The following DPP10 variants were observed in gnomAD, a reference collection of about 807,000 sequenced individuals.
The protein encoded by DPP10 is inactive dipeptidyl peptidase 10.
Under a neutral mutation model 120.9 loss-of-function variants are expected in DPP10, and 33 were observed. The observed-to-expected ratio is 0.27, with a 90% CI of 0.21 to 0.37. DPP10 has a LOEUF of 0.37. Among genes scored for constraint, DPP10 ranks in the 10% least tolerant of loss-of-function variants. The pLI is 1.00. For missense variants in DPP10, 816 were observed against 942.8 expected (o/e 0.87, Z 1.76); for synonymous variants, 337 against 326.1 (o/e 1.03, Z -0.36).
intron 7 of DPP10, among the ~76,000 whole-genome samples, chr2:115,707,914 T>C (rs939703421): frequency 6.6e-6 from 1 of 151,880 alleles, no homozygotes; most frequent in African/African-American, 2.4e-5. Flanking sequence ...ATTACAGAAT[T>C]GATTACTTTT....
At chr2:115,649,049 C>G (rs1331807983) in intron 5 of DPP10, among the ~76,000 whole-genome samples, 1 of 151,964 alleles carries the variant, frequency 6.6e-6, no homozygotes, top group Non-Finnish European at 1.5e-5. Context: ...ATGTGTCTTT[C>G]CAGCATTTCT....
At chr2:115,415,842 T>TATAA (rs2069352567) in intron 3 of DPP10, among the ~76,000 whole-genome samples, 1 of 4,196 alleles carries the variant, frequency 2.4e-4, no homozygotes, top group Non-Finnish European at 1.1e-3. Context: ...GATTTGCTTT[T>TATAA]ATATATATAT....
intron 4 of DPP10, among the ~76,000 whole-genome samples, chr2:115,521,175 C>G (rs2077783506): frequency 6.6e-6 from 1 of 152,122 alleles, no homozygotes; most frequent in Non-Finnish European, 1.5e-5. Context: ...AAAAAGAAAA[C>G]ATGCACATTT....
intron 1 of DPP10, among the ~76,000 whole-genome samples, chr2:115,192,882 A>T (rs996962823): frequency 1.3e-5 from 2 of 151,508 alleles, no homozygotes; most frequent in Middle Eastern, 3.4e-3. Context: ...AATAAATTTT[A>T]ATTTATTTTA....
chr2:115,576,088 G>A (rs2081637136), intron 5 of DPP10, among the ~76,000 whole-genome samples: 1 of 152,130 alleles, frequency 6.6e-6, no homozygotes, highest in Non-Finnish European at 1.5e-5. Flanking sequence ...TGTGACCTAT[G>A]AAACTGTAAG....
At chr2:115,632,909 G>A (rs893041339) in intron 5 of DPP10, among the ~76,000 whole-genome samples, 243 of 152,080 alleles carry the variant, frequency 1.6e-3, no homozygotes, top group Admixed American at 2.8e-3. Context: ...TAGAATGGCA[G>A]TCATTAAAAA....
intron 3 of DPP10, among the ~76,000 whole-genome samples, chr2:115,430,220 G>A (rs2070845260): frequency 6.6e-6 from 1 of 152,206 alleles, no homozygotes; most frequent in East Asian, 1.9e-4. Flanking sequence ...TTAATATTTA[G>A]CTTTAACTGA....
At chr2:114,454,869 C>A (rs1380385345) in intron 1 of DPP10, among the ~76,000 whole-genome samples, 1 of 152,156 alleles carries the variant, frequency 6.6e-6, no homozygotes, top group Non-Finnish European at 1.5e-5. Flanking sequence ...CGCTAGACTG[C>A]AAGCTCCTGG....
chr2:114,448,637 A>G (rs1476107898), intron 1 of DPP10, among the ~76,000 whole-genome samples: 1 of 152,182 alleles, frequency 6.6e-6, no homozygotes, highest in Non-Finnish European at 1.5e-5. Context: ...GATGTTTTGG[A>G]ACCACTGAGC....
chr2:114,530,714 G>C (rs1685900715), intron 1 of DPP10, among the ~76,000 whole-genome samples: 1 of 152,052 alleles, frequency 6.6e-6, no homozygotes, highest in Non-Finnish European at 1.5e-5. Flanking sequence ...AAGCATCTAT[G>C]GAAGTACTGT....
intron 7 of DPP10, among the ~76,000 whole-genome samples, chr2:115,698,557 G>T (rs1475340910): frequency 6.6e-6 from 1 of 152,058 alleles, no homozygotes. Flanking sequence ...AAAAACAGAG[G>T]AAGATCTCTC....
At chr2:115,323,993 T>C (rs559987883) in intron 2 of DPP10, among the ~76,000 whole-genome samples, 1 of 152,282 alleles carries the variant, frequency 6.6e-6, no homozygotes, top group South Asian at 2.1e-4. Context: ...TAGCCCCTAA[T>C]AGGAGAGTCA....
At chr2:114,732,894 G>A (rs1255448905) in intron 1 of DPP10, among the ~76,000 whole-genome samples, 3 of 152,136 alleles carry the variant, frequency 2.0e-5, no homozygotes, top group Non-Finnish European at 4.4e-5. Flanking sequence ...GGAAGTTTAT[G>A]TAACTCCCCC....
intron 8 of DPP10, among the ~76,000 whole-genome samples, chr2:115,733,559 C>T (rs1051016538): frequency 2.1e-4 from 31 of 145,096 alleles, no homozygotes; most frequent in Non-Finnish European, 4.2e-4. Flanking sequence ...ACTATTCTTT[C>T]AAGGAATTTG....
chr2:115,344,091 G>A (rs147509518), intron 3 of DPP10, among the ~76,000 whole-genome samples, 179 bp downstream of exon 3: 8 of 135,690 alleles, frequency 5.9e-5, no homozygotes, highest in African/African-American at 8.5e-5. Context: ...AGCCGAGATC[G>A]CACCACTGCA....
At chr2:114,496,007 T>C (rs1021056770) in intron 1 of DPP10, among the ~76,000 whole-genome samples, 3 of 152,226 alleles carry the variant, frequency 2.0e-5, no homozygotes, top group African/African-American at 7.2e-5. Context: ...TATTAGTCAG[T>C]GTCCAGTCAG....
chr2:115,405,150 C>A (rs886790481), intron 3 of DPP10, among the ~76,000 whole-genome samples: 1 of 152,076 alleles, frequency 6.6e-6, no homozygotes, highest in African/African-American at 2.4e-5. Flanking sequence ...CAGCTATAAG[C>A]CTGTAAAATA....
At chr2:115,684,997 G>T (rs1175095280) in intron 5 of DPP10, among the ~76,000 whole-genome samples, 3 of 151,926 alleles carry the variant, frequency 2.0e-5, no homozygotes, top group African/African-American at 7.2e-5. Flanking sequence ...GAAAGGTAGT[G>T]TGCAGAAAGA....
chr2:115,486,781 C>A (rs1327168871), intron 3 of DPP10, among the ~76,000 whole-genome samples: 2 of 152,022 alleles, frequency 1.3e-5, no homozygotes, highest in Non-Finnish European at 2.9e-5. Context: ...TGCAAATAAT[C>A]CAAAGAATGA....
Sources: gnomAD v4.1 joint callset for allele counts (sites outside exome capture counted in the v4.1 genomes callset) on GRCh38, gnomAD v4.1.1 for gene constraint, MANE v1.5 for transcripts, NCBI Gene and HGNC (gene_info 2026-07-23, HGNC 2026-07-21) for gene names.